The following RANBP17 variants were observed in gnomAD, a reference collection of about 807,000 sequenced individuals.
RANBP17 encodes RAN binding protein 17.
RANBP17 carries 158 observed loss-of-function variants against 141.2 expected under a neutral mutation model. The observed-to-expected ratio is 1.12, with a 90% CI of 0.98 to 1.28. The LOEUF is 1.28. Among genes scored for constraint, RANBP17 ranks in the 50% most tolerant of loss-of-function variants. The pLI is 0.00. For synonymous variants in RANBP17, 430 were observed against 450.0 expected, an observed-to-expected ratio of 0.96 and a Z score of 0.56; for missense variants, 1,438 against 1,290.7, an observed-to-expected ratio of 1.11 and a Z score of -1.75.
intron 12 of RANBP17, among the ~76,000 whole-genome samples, chr5:170,951,104 G>A (rs1471827945): frequency 1.3e-5 from 2 of 151,992 alleles, no homozygotes; most frequent in African/African-American, 4.8e-5. Context: ...ATGAAGAGAG[G>A]TTGGCTAATG....
chr5:171,114,866 C>A (rs1039565684), intron 14 of RANBP17, among the ~76,000 whole-genome samples: 14 of 151,796 alleles, frequency 9.2e-5, no homozygotes, highest in African/African-American at 3.1e-4. Flanking sequence ...GTAATCCTAT[C>A]GCTTTGGGAA....
At chr5:170,897,024 C>T in intron 5 of RANBP17, 1 of 1,061,876 alleles carries the variant, frequency 9.4e-7, no homozygotes, top group Non-Finnish European at 1.4e-6. Flanking sequence ...CCGCGGTCAG[C>T]CAGAAAGGAA....
chr5:171,034,750 T>C (rs1318807592), intron 14 of RANBP17, among the ~76,000 whole-genome samples: 1 of 152,210 alleles, frequency 6.6e-6, no homozygotes, highest in African/African-American at 2.4e-5. Flanking sequence ...TAAAATACTC[T>C]ATGACTTTTT....
intron 24 of RANBP17, among the ~76,000 whole-genome samples, chr5:171,249,611 A>T (rs1026301174): frequency 6.6e-6 from 1 of 152,338 alleles, no homozygotes; most frequent in Non-Finnish European, 1.5e-5. Context: ...GAATTCATTG[A>T]GGGAAATACA....
At chr5:171,105,003 G>C (rs948337566) in intron 14 of RANBP17, among the ~76,000 whole-genome samples, 2 of 152,054 alleles carry the variant, frequency 1.3e-5, no homozygotes, top group African/African-American at 4.8e-5. Context: ...ATTACATATT[G>C]TACGTTGATA....
At chr5:171,148,719 C>T (rs569423890) in intron 14 of RANBP17, among the ~76,000 whole-genome samples, 20 of 152,176 alleles carry the variant, frequency 1.3e-4, no homozygotes, top group Non-Finnish European at 2.4e-4. Flanking sequence ...AGCCCTGTCA[C>T]GTACAGATAT....
At chr5:170,976,373 G>A (rs1777381250) in intron 14 of RANBP17, among the ~76,000 whole-genome samples, 1 of 152,126 alleles carries the variant, frequency 6.6e-6, no homozygotes, top group African/African-American at 2.4e-5. Context: ...TATGGTCATG[G>A]ATTACAAGAC....
chr5:171,147,461 G>A (rs1758138729), intron 14 of RANBP17, among the ~76,000 whole-genome samples: 1 of 147,766 alleles, frequency 6.8e-6, no homozygotes, highest in Non-Finnish European at 1.5e-5. Context: ...TGTCACCCAG[G>A]CTGGAGTGCA....
At chr5:171,051,627 A>G (rs996766956) in intron 14 of RANBP17, among the ~76,000 whole-genome samples, 1 of 152,176 alleles carries the variant, frequency 6.6e-6, no homozygotes, top group African/African-American at 2.4e-5. Context: ...CATTTTGATC[A>G]TCTTTTCATC....
intron 24 of RANBP17, among the ~76,000 whole-genome samples, chr5:171,248,436 C>T (rs1038376177): frequency 6.6e-6 from 1 of 151,944 alleles, no homozygotes; most frequent in Non-Finnish European, 1.5e-5. Context: ...AAGCAGCCAG[C>T]TCGGCCAAGA....
At chr5:170,910,290 C>T (rs1295997950) in intron 6 of RANBP17, 1 of 152,776 alleles carries the variant, frequency 6.5e-6, no homozygotes, top group African/African-American at 2.4e-5. Context: ...TATAGGGACT[C>T]CATCATGCTA....
In RANBP17 at chr5:171,265,739, C is replaced by A; in HGVS notation, c.2835C>A (p.Phe945Leu). 6.2e-7 allele frequency: 1 copy of A among 1,614,068 alleles called. No individual in the cohort carries two copies. The highest frequency in any genetic ancestry group is 8.5e-7 in the Non-Finnish European group (1 of 1,179,926). ...TAGACTACATCGTCACCTACCTCTT[C>A]AAGCACATAGCAAAAGAGGGCAAGA... Reference protein sequence around the residue: ...TSLDYIVTYLFKHIAKEGKKP... With the variant: ...TSLDYIVTYLLKHIAKEGKKP... Residue 945 changes from phenylalanine (F) to leucine (L), a missense_variant, in exon 25 of 28, where the codon TTC becomes TTA. Transcript: ENST00000523189.
intron 3 of RANBP17, among the ~76,000 whole-genome samples, chr5:170,884,221 T>C (rs921844601): frequency 2.0e-5 from 3 of 152,196 alleles, no homozygotes; most frequent in African/African-American, 7.2e-5. Context: ...TTTATGTGCT[T>C]ATTTGACCTC....
At chr5:171,142,517 T>G (rs1757774878) in intron 14 of RANBP17, among the ~76,000 whole-genome samples, 3 of 152,286 alleles carry the variant, frequency 2.0e-5, no homozygotes, top group Admixed American at 1.3e-4. Context: ...CAAATATTAA[T>G]TATTGCAAAT....
At chr5:171,002,543 C>T (rs1048122277) in intron 14 of RANBP17, among the ~76,000 whole-genome samples, 49 of 152,056 alleles carry the variant, frequency 3.2e-4, no homozygotes, top group Non-Finnish European at 1.0e-4. Context: ...GCCTATATAA[C>T]AGCATGGTGG....
chr5:171,137,970 T>TAC (rs371599840), intron 14 of RANBP17, among the ~76,000 whole-genome samples: 3,482 of 148,278 alleles, frequency 0.023, 112 homozygotes, highest in African/African-American at 0.064. Context: ...TATATATATA[T>TAC]ACACACACAC....
chr5:170,930,855 G>T (rs555227414), intron 12 of RANBP17, among the ~76,000 whole-genome samples: 1 of 152,150 alleles, frequency 6.6e-6, no homozygotes, highest in African/African-American at 2.4e-5. Context: ...ATTGTGAATA[G>T]TGCCACAATA....
chr5:170,919,469 ATTAT>A lies in RANBP17; in HGVS notation c.1136_1139del (p.Leu379Ter). On this transcript the variant is annotated frameshift_variant, in exon 11 of 28. Coordinates refer to ENST00000523189, the MANE Select transcript of RANBP17 (RefSeq NM_022897.5). LOFTEE classifies it high-confidence loss of function. ...TGGGAATTTGCTCCTAACAGTGTTC[ATTAT>A]TTATTAACTCTGTGGCAAAGGATGG... The A allele has an allele frequency of 6.2e-7, 1 of 1,603,120 alleles. No homozygotes were observed. Among genetic ancestry groups the A allele is most frequent in the Non-Finnish European group, 8.5e-7 (1 of 1,176,484 alleles).
chr5:170,993,662 G>C (rs990306969), intron 14 of RANBP17, among the ~76,000 whole-genome samples: 2 of 152,072 alleles, frequency 1.3e-5, no homozygotes, highest in East Asian at 3.9e-4. Context: ...TGCCTGACAT[G>C]TAAGTGCTTA....
Sources: allele counts gnomAD v4.1 joint callset (sites outside exome capture counted in the v4.1 genomes callset), GRCh38; gene constraint gnomAD v4.1.1; transcripts MANE v1.5; gene names NCBI Gene and HGNC (gene_info 2026-07-23, HGNC 2026-07-21).